GRM1: variants seen among roughly 807,000 people sequenced by gnomAD.
GRM1 encodes the protein metabotropic glutamate receptor 1.
In GRM1, 33 loss-of-function variants were observed where a neutral mutation model predicts 90.9. That is an observed-to-expected ratio of 0.36 (90% CI 0.28 to 0.49). The LOEUF (loss-of-function observed/expected upper bound fraction) is 0.49, where lower values mean the gene tolerates loss of function less well. Ranked by LOEUF, GRM1 falls within the 20% of genes least tolerant of loss-of-function variation. GRM1 has a pLI of 0.99. For missense variants in GRM1, 1,190 were observed against 1,534.3 expected, an observed-to-expected ratio of 0.78 and a Z score of 3.75; for synonymous variants, 700 against 613.2, an observed-to-expected ratio of 1.14 and a Z score of -2.09.
chr6:146,321,447 G>C (rs1323215434), intron 3 of GRM1, among the ~76,000 whole-genome samples: 1 of 152,220 alleles, frequency 6.6e-6, no homozygotes, highest in Non-Finnish European at 1.5e-5. Context: ...ATATTCTGTT[G>C]ATTTGGGGTG....
At chr6:146,082,310 C>G (rs1776390645) in intron 1 of GRM1, among the ~76,000 whole-genome samples, 1 of 152,040 alleles carries the variant, frequency 6.6e-6, no homozygotes, top group Non-Finnish European at 1.5e-5. Flanking sequence ...CACCCACCAC[C>G]ATGCTGAATT....
chr6:146,157,398 A>G (rs1456872937), intron 1 of GRM1, among the ~76,000 whole-genome samples: 1 of 152,224 alleles, frequency 6.6e-6, no homozygotes, highest in Non-Finnish European at 1.5e-5. Context: ...GAAGATTATG[A>G]GGTAATGGGT....
intron 6 of GRM1, among the ~76,000 whole-genome samples, chr6:146,391,238 A>G (rs1388079122): frequency 6.6e-6 from 1 of 152,102 alleles, no homozygotes; most frequent in Non-Finnish European, 1.5e-5. Context: ...GTACCCTAAC[A>G]TTTGATTCAA....
intron 1 of GRM1, among the ~76,000 whole-genome samples, chr6:146,134,707 G>A (rs529481278): frequency 3.3e-5 from 5 of 152,216 alleles, no homozygotes; most frequent in Non-Finnish European, 7.4e-5. Flanking sequence ...ATGGCGGGTG[G>A]ATCATGAGGT....
At chr6:146,331,579 G>A (rs1226091846) in intron 3 of GRM1, among the ~76,000 whole-genome samples, 2 of 152,080 alleles carry the variant, frequency 1.3e-5, no homozygotes, top group Non-Finnish European at 2.9e-5. Context: ...TTGCTATCAG[G>A]AAGACTAGAG....
intron 1 of GRM1, among the ~76,000 whole-genome samples, chr6:146,042,390 T>G (rs1236190759): frequency 6.6e-6 from 1 of 151,906 alleles, no homozygotes; most frequent in Non-Finnish European, 1.5e-5. Flanking sequence ...AATAATCCTT[T>G]AGGAGGGGAA....
rs1484205158 is a variant in GRM1 at position 146,357,068 on chromosome 6, T to A, written c.1434-458T>A. On this transcript the variant is annotated intron_variant, in intron 4 of 7. Transcript: ENST00000282753. ...TGCCTTTCTCAGATTTCTTGCTCTA[T>A]TAGCACCTTAAAAACGTTCCAGACT... Among the ~76,000 whole-genome samples, 6 of 152,342 alleles carry A rather than the reference T, an allele frequency of 3.9e-5. No homozygotes were observed. In the South Asian group the frequency reaches 1.2e-3, roughly 32 times the overall value.
chr6:146,043,137 A>AT (rs1370781982), intron 1 of GRM1, among the ~76,000 whole-genome samples: 4 of 151,948 alleles, frequency 2.6e-5, no homozygotes. Context: ...CTAAAAAAAA[A>AT]ATTAAAAAAT....
At chr6:146,325,334 G>A (rs551478816) in intron 3 of GRM1, among the ~76,000 whole-genome samples, 12 of 152,324 alleles carry the variant, frequency 7.9e-5, no homozygotes, top group South Asian at 2.1e-4. Flanking sequence ...TAAGTGACAC[G>A]GATGAGCAGT....
chr6:146,112,183 A>G (rs1211258770), intron 1 of GRM1, among the ~76,000 whole-genome samples: 1 of 152,104 alleles, frequency 6.6e-6, no homozygotes, highest in Non-Finnish European at 1.5e-5. Context: ...TGTAATAACA[A>G]CTTGCACACA....
At chr6:146,349,871 C>T (rs1037406414) in intron 3 of GRM1, among the ~76,000 whole-genome samples, 3 of 152,214 alleles carry the variant, frequency 2.0e-5, no homozygotes, top group South Asian at 2.1e-4. Flanking sequence ...CATATATTTA[C>T]GTGTGTCTAT....
intron 3 of GRM1, among the ~76,000 whole-genome samples, chr6:146,338,592 T>C (rs887352609): frequency 6.6e-6 from 1 of 152,212 alleles, no homozygotes; most frequent in Non-Finnish European, 1.5e-5. Context: ...TTCAAAGAAA[T>C]GATAGTCCAC....
At chr6:146,332,281 A>G (rs950181509) in intron 3 of GRM1, among the ~76,000 whole-genome samples, 1 of 152,168 alleles carries the variant, frequency 6.6e-6, no homozygotes, top group African/African-American at 2.4e-5. Context: ...TCAGTAGAGC[A>G]TGGCTCCATT....
chr6:146,189,914 G>A (rs372770049), intron 2 of GRM1, among the ~76,000 whole-genome samples: 1 of 152,134 alleles, frequency 6.6e-6, no homozygotes, highest in African/African-American at 2.4e-5. Context: ...GAAATCCCAT[G>A]GTGCCAAAGT....
intron 1 of GRM1, among the ~76,000 whole-genome samples, chr6:146,079,500 A>G (rs538578225): frequency 6.6e-6 from 1 of 152,256 alleles, no homozygotes; most frequent in East Asian, 1.9e-4. Context: ...AGTTGTTGAA[A>G]CTTTATAAGA....
In GRM1 at chr6:146,291,809, A is replaced by G. The variant is rs183965883; in HGVS notation, c.951-12802A>G. The stretch of plus-strand genomic sequence containing the variant: ...CAACTGTTTTTGGAAAAATGGAAAC[A>G]TGGATCCTCAAATCCATATGTAATT... On this transcript the variant is annotated intron_variant, in intron 2 of 7. Coordinates refer to ENST00000282753, the MANE Select transcript of GRM1 (RefSeq NM_001278064.2). Among the ~76,000 whole-genome samples, 6 of 152,154 alleles carry G rather than the reference A, an allele frequency of 3.9e-5. No individual in the cohort carries two copies. The East Asian group carries it at 7.7e-4, about 20-fold the overall frequency.
chr6:146,430,652 T>C (rs2114687640), intron 7 of GRM1, among the ~76,000 whole-genome samples: 1 of 152,382 alleles, frequency 6.6e-6, no homozygotes, highest in East Asian at 1.9e-4. Flanking sequence ...AATGTATTTA[T>C]TCTTTCTTGA....
intron 3 of GRM1, among the ~76,000 whole-genome samples, chr6:146,344,938 A>C (rs190662327): frequency 3.7e-3 from 555 of 152,032 alleles, no homozygotes; most frequent in Non-Finnish European, 6.7e-3. Context: ...CAGCCTCCCT[A>C]GTAGCTGGGA....
intron 2 of GRM1, among the ~76,000 whole-genome samples, chr6:146,177,591 C>T (rs74796702): frequency 1.5e-3 from 224 of 152,132 alleles, no homozygotes; most frequent in African/African-American, 5.2e-3. Flanking sequence ...CTTATGAGTA[C>T]TGTTTTGGAA....
Sources: allele counts gnomAD v4.1 joint callset (sites outside exome capture counted in the v4.1 genomes callset), GRCh38; gene constraint gnomAD v4.1.1; transcripts MANE v1.5; gene names NCBI Gene and HGNC (gene_info 2026-07-23, HGNC 2026-07-21).